SLC25A35: variants seen among roughly 807,000 people sequenced by gnomAD.
The protein encoded by SLC25A35 is solute carrier family 25 member 35.
In SLC25A35, 32 loss-of-function variants were observed where a neutral mutation model predicts 30.5. That is an observed-to-expected ratio of 1.05 (90% CI 0.79 to 1.41). The LOEUF is 1.41. Among genes scored for constraint, SLC25A35 ranks in the 40% most tolerant of loss-of-function variants. The pLI is 0.00. For synonymous variants in SLC25A35, 142 were observed against 158.1 expected, an observed-to-expected ratio of 0.90 and a Z score of 0.77; for missense variants, 369 against 388.0, an observed-to-expected ratio of 0.95 and a Z score of 0.41.
downstream of SLC25A35, chr17:8,288,173 G>C (rs1023094497): frequency 6.3e-6 from 1 of 159,900 alleles, no homozygotes; most frequent in Non-Finnish European, 1.4e-5. Flanking sequence ...TGTGGCTCTC[G>C]CCTGTAATTC....
downstream of SLC25A35, chr17:8,288,586 G>A (rs1041388226): frequency 1.5e-6 from 1 of 648,078 alleles, no homozygotes; most frequent in Non-Finnish European, 2.7e-6. Context: ...GGCTTCCGGA[G>A]CAAAGCCGCT....
At chr17:8,289,073 G>C, downstream of SLC25A35, 1 of 1,613,352 alleles carries the variant, frequency 6.2e-7, no homozygotes, top group Non-Finnish European at 8.5e-7. Context: ...CGGCTGCGCG[G>C]TGAGGGAATG....
chr17:8,289,625 G>C (rs1990321302), downstream of SLC25A35: 2 of 1,607,640 alleles, frequency 1.2e-6, no homozygotes, highest in South Asian at 2.2e-5. Flanking sequence ...CTCATGACTG[G>C]GTTCCCAGGA....
At chr17:8,293,417 C>T (rs980232263) in intron 1 of SLC25A35, among the ~76,000 whole-genome samples, 2 of 152,198 alleles carry the variant, frequency 1.3e-5, no homozygotes, top group East Asian at 1.9e-4. Context: ...TGCCAGGATT[C>T]GCACTAATGC....
chr17:8,291,221 C>T, intron 3 of SLC25A35, 112 bp downstream of exon 3: 1 of 1,492,054 alleles, frequency 6.7e-7, no homozygotes, highest in Non-Finnish European at 9.1e-7. Flanking sequence ...CCAAGCCCTC[C>T]TGCCACTCCC....
Position 8,292,567 on chromosome 17 carries a change from G to A in SLC25A35, c.397C>T (p.Gln133Ter), listed in dbSNP as rs1990587140. ...IYMVKTHLQA[Q>*]AASEIAVGHQ... The stretch of plus-strand genomic sequence containing the variant: ...CCTACAGCAATTTCTGAGGCTGCCT[G>A]TGCCTGCAGGTGTGTCTTCACCTGG... The change falls in exon 2 of 5, where the codon CAG (glutamine) becomes TAG (stop). Residue 133 changes from glutamine to a stop codon, truncating the protein, a stop_gained. Coordinates refer to ENST00000577745, the MANE Select transcript of SLC25A35 (RefSeq NM_001320870.2). LOFTEE classifies it high-confidence loss of function. 1 of 1,613,994 alleles carries A rather than the reference G, an allele frequency of 6.2e-7. No individual in the cohort carries two copies. Among genetic ancestry groups the A allele is most frequent in the Admixed American group, 1.7e-5 (1 of 59,992 alleles).
At chr17:8,294,076 C>T (rs1477002346) in intron 1 of SLC25A35, among the ~76,000 whole-genome samples, 2 of 150,748 alleles carry the variant, frequency 1.3e-5, no homozygotes, top group African/African-American at 4.9e-5. Flanking sequence ...CCACCGCACC[C>T]GGCTAATTTT....
At chr17:8,291,688 G>A (rs1361247324) in intron 2 of SLC25A35, among the ~76,000 whole-genome samples, 1 of 152,224 alleles carries the variant, frequency 6.6e-6, no homozygotes, top group African/African-American at 2.4e-5. Flanking sequence ...GGGGCGGGAT[G>A]TATGCAAGTG....
chr17:8,295,262 C>T lies in SLC25A35; in HGVS notation c.-455G>A. The T allele has an allele frequency of 1.0e-6, 1 of 988,568 alleles. No individual in the cohort carries two copies. The highest frequency in any genetic ancestry group is 4.6e-5 in the South Asian group (1 of 21,664). 61.2% of individuals were successfully genotyped at this position (988,568 alleles called of 1,614,324 possible). On this transcript the variant is annotated 5_prime_UTR_variant, in exon 1 of 5. Transcript: ENST00000577745. The stretch of plus-strand genomic sequence containing the variant: ...GCCGGTGATTTCCTCGAGCCAGCAA[C>T]GAGATCTCGATCCGAGAAAGAAGTC...
downstream of SLC25A35, chr17:8,289,890 T>C (rs1990347629): frequency 6.2e-7 from 1 of 1,614,166 alleles, no homozygotes; most frequent in Non-Finnish European, 8.5e-7. Context: ...GAACAGCTGG[T>C]GACCAGTCTG....
intron 2 of SLC25A35, among the ~76,000 whole-genome samples, chr17:8,292,314 G>A (rs1364919076): frequency 5.9e-5 from 9 of 152,186 alleles, no homozygotes; most frequent in African/African-American, 9.7e-5. Flanking sequence ...AGCCGAGATC[G>A]TGCCAATGCA....
Position 8,293,720 on chromosome 17 carries a change from T to C in SLC25A35, c.375+713A>G, listed in dbSNP as rs543393092. On this transcript the variant is annotated intron_variant, in intron 1 of 4. Coordinates refer to ENST00000577745, the MANE Select transcript of SLC25A35 (RefSeq NM_001320870.2). The stretch of plus-strand genomic sequence containing the variant: ...GCGCCCACCACCACGCCCGGCTAAT[T>C]TTTTGTATTTTTAGTAGAGACGGGG... 3.5e-3 allele frequency among the ~76,000 whole-genome samples: 528 copies of C among 149,004 alleles called. 5 individuals are homozygous for C. The highest frequency in any genetic ancestry group is 0.012 in the African/African-American group (501 of 40,430).
downstream of SLC25A35, chr17:8,289,033 T>C (rs2151608591): frequency 6.2e-7 from 1 of 1,614,000 alleles, no homozygotes; most frequent in African/African-American, 1.3e-5. Context: ...GTGGAACTTC[T>C]CGAGCTGCAG....
chr17:8,291,293 C>T, intron 3 of SLC25A35, 40 bp downstream of exon 3: 4 of 1,608,586 alleles, frequency 2.5e-6, no homozygotes, highest in Non-Finnish European at 3.4e-6. Flanking sequence ...CTCCCCTTCC[C>T]CCCTTCCCGA....
In SLC25A35 at chr17:8,291,315, C is replaced by T. The variant is rs767673358; in HGVS notation, c.594+18G>A. 1.2e-6 allele frequency: 2 copies of T among 1,613,426 alleles called. No individual in the cohort carries two copies. The highest frequency in any genetic ancestry group is 8.5e-7 in the Non-Finnish European group (1 of 1,179,590). ...TCCCCCCTTCCCGAAACAGACCCACCCATTTCCCAGGCAGTACCTCCCACT... is the reference window on the plus strand; with the variant it reads ...TCCCCCCTTCCCGAAACAGACCCACTCATTTCCCAGGCAGTACCTCCCACT... On this transcript the variant is annotated intron_variant, in intron 3 of 4. Coordinates refer to ENST00000577745, the MANE Select transcript of SLC25A35 (RefSeq NM_001320870.2).
At chr17:8,289,325 C>CT (rs1355351641), downstream of SLC25A35, 1 of 1,614,070 alleles carries the variant, frequency 6.2e-7, no homozygotes, top group Non-Finnish European at 8.5e-7. Flanking sequence ...TGTTCAGCCT[C>CT]TCAGTTTGGA....
rs758289654 is a variant in SLC25A35 at position 8,294,466 on chromosome 17, G to C, written c.342C>G (p.Val114=). 5.6e-5 allele frequency: 89 copies of C among 1,601,734 alleles called. 1 individual carries two copies. The Admixed American group carries it at 1.5e-3, about 28-fold the overall frequency. Residue 114 remains valine (V), a synonymous_variant, in exon 1 of 5, where the codon GTC becomes GTG. Coordinates refer to ENST00000577745, the MANE Select transcript of SLC25A35 (RefSeq NM_001320870.2). ...RSAAAGAMAG[V]MGAYLGSPIY... is the part of the protein sequence containing the mutation. ...TGGGGCTCCCCAAGTAGGCTCCCATGACCCCAGCCATGGCCCCAGCTGCTG... is the reference window on the plus strand; with the variant it reads ...TGGGGCTCCCCAAGTAGGCTCCCATCACCCCAGCCATGGCCCCAGCTGCTG...
Position 8,291,415 on chromosome 17 carries a change from C to T in SLC25A35, c.512G>A (p.Gly171Asp). ...ACCGACGATAACTCGGGGCAGGCCGCCCAGAGCCCCACGCCATAACCCCAC... is the reference window on the plus strand; with the variant it reads ...ACCGACGATAACTCGGGGCAGGCCGTCCAGAGCCCCACGCCATAACCCCAC... Reference protein sequence around the residue: ...GLVGLWRGALGGLPRVIVGSS... With the variant: ...GLVGLWRGALDGLPRVIVGSS... Residue 171 changes from glycine (G) to aspartate (D), a missense_variant, in exon 3 of 5, where the codon GGC becomes GAC. By Grantham distance (94) the Gly-to-Asp change is moderately conservative. Coordinates refer to ENST00000577745, the MANE Select transcript of SLC25A35 (RefSeq NM_001320870.2). 1 of 1,614,206 alleles carries T rather than the reference C, an allele frequency of 6.2e-7. No individual in the cohort carries two copies. Among genetic ancestry groups the T allele is most frequent in the East Asian group, 2.2e-5 (1 of 44,882 alleles).
chr17:8,291,073 G>A, intron 3 of SLC25A35, 97 bp from the exon 4 acceptor site: 1 of 1,514,268 alleles, frequency 6.6e-7, no homozygotes, highest in Non-Finnish European at 9.0e-7. Context: ...GCTGGTAACT[G>A]GGGGAGCTTC....
Sources: allele counts gnomAD v4.1 joint callset (sites outside exome capture counted in the v4.1 genomes callset), GRCh38; gene constraint gnomAD v4.1.1; transcripts MANE v1.5; gene names NCBI Gene and HGNC (gene_info 2026-07-23, HGNC 2026-07-21).